MCM3AP: variants seen among roughly 807,000 people sequenced by gnomAD.
MCM3AP encodes minichromosome maintenance complex component 3 associated protein, also known as germinal-center associated nuclear protein.
Under a neutral mutation model 184.1 loss-of-function variants are expected in MCM3AP, and 126 were observed. That is an observed-to-expected ratio of 0.68 (90% CI 0.59 to 0.79). MCM3AP has a LOEUF of 0.79. Among genes scored for constraint, MCM3AP ranks in the 30% least tolerant of loss-of-function variants. MCM3AP has a pLI of 0.00. For missense variants in MCM3AP, 2,496 were observed against 2,479.2 expected, an observed-to-expected ratio of 1.01 and a Z score of -0.14; for synonymous variants, 1,002 against 979.3, an observed-to-expected ratio of 1.02 and a Z score of -0.43.
chr21:46,277,718 C>G lies in MCM3AP; in HGVS notation c.1668-1G>C. On this transcript the variant is annotated splice_acceptor_variant, in intron 4 of 27. Coordinates refer to ENST00000291688, the MANE Select transcript of MCM3AP (RefSeq NM_003906.5). LOFTEE classifies it high-confidence loss of function. ...AAGACTTGGCTTCTTCACTGGAGAG[C>G]TATAAAGTAAACACCACACTGAGGG... 6.4e-7 allele frequency: 1 copy of G among 1,561,678 alleles called. No individual in the cohort carries two copies. Among genetic ancestry groups the G allele is most frequent in the Non-Finnish European group, 8.7e-7 (1 of 1,151,814 alleles).
At chr21:46,262,888 AC>A (rs1174295012) in intron 13 of MCM3AP, among the ~76,000 whole-genome samples, 7 of 140,374 alleles carry the variant, frequency 5.0e-5, no homozygotes, top group Non-Finnish European at 1.1e-4. Flanking sequence ...AATGGCGTGA[AC>A]CCCGGGGGGC....
At chr21:46,248,614 A>AG (rs147757092) in intron 20 of MCM3AP, among the ~76,000 whole-genome samples, 35,752 of 147,254 alleles carry the variant, frequency 0.24, 5,259 homozygotes, top group Admixed American at 0.38. Context: ...AGTAACAGAG[A>AG]GGAAAAAAAA....
intron 9 of MCM3AP, among the ~76,000 whole-genome samples, chr21:46,270,085 A>G (rs1035566151): frequency 6.6e-6 from 1 of 152,206 alleles, no homozygotes; most frequent in East Asian, 1.9e-4. Flanking sequence ...TGTGCATATG[A>G]TATGAGATTT....
chr21:46,244,723 C>A, intron 23 of MCM3AP, 84 bp downstream of exon 23: 1 of 1,454,482 alleles, frequency 6.9e-7, no homozygotes, highest in Non-Finnish European at 9.3e-7. Context: ...GTGCCCAACA[C>A]CTGCCAGACG....
At chr21:46,258,418 A>G (rs2080989324) in intron 16 of MCM3AP, among the ~76,000 whole-genome samples, 1 of 152,222 alleles carries the variant, frequency 6.6e-6, no homozygotes, top group African/African-American at 2.4e-5. Context: ...TCCCATTCCC[A>G]AAAGTAACCA....
At chr21:46,265,807 A>G in intron 11 of MCM3AP, 118 bp downstream of exon 11, 3 of 1,276,806 alleles carry the variant, frequency 2.3e-6, no homozygotes, top group Non-Finnish European at 3.2e-6. Context: ...AAGACAAGAC[A>G]GGTGCTCAGG....
chr21:46,245,414 C>T (rs2080749521), intron 22 of MCM3AP, among the ~76,000 whole-genome samples: 1 of 152,082 alleles, frequency 6.6e-6, no homozygotes, highest in African/African-American at 2.4e-5. Context: ...AAGAGAGCCC[C>T]CAGATCCCAC....
In MCM3AP at chr21:46,284,118, A is replaced by G; in HGVS notation, c.1169T>C (p.Ile390Thr). 6.2e-7 allele frequency: 1 copy of G among 1,614,080 alleles called. No individual in the cohort carries two copies. Among genetic ancestry groups the G allele is most frequent in the Non-Finnish European group, 8.5e-7 (1 of 1,179,974 alleles). Residue 390 changes from isoleucine to threonine, a missense_variant, in exon 1 of 28, where the codon ATT becomes ACT. Coordinates refer to ENST00000291688, the MANE Select transcript of MCM3AP (RefSeq NM_003906.5). Reference sequence around the variant, plus strand: ...TTCTTCCTCTTTATTCACACCTGGAATCCGGGAAGGTGCCAGGACAGACTG... The same window carrying G: ...TTCTTCCTCTTTATTCACACCTGGAGTCCGGGAAGGTGCCAGGACAGACTG... The part of the protein sequence containing the change: ...GNQSVLAPSR[I>T]PGVNKEEETE...
In MCM3AP at chr21:46,261,285, C is replaced by T. The variant is rs1054849770; in HGVS notation, c.3462G>A (p.Glu1154=). ...CATGGACAAGACACACTTACCTTTC[C>T]TCTTCAGCCCGCTGCCTCTCCTGCT... ...RREQERQRAE[E]ERLKQERELV... The change falls in exon 14 of 28, where the codon GAG becomes GAA. Residue 1154 remains glutamate, a synonymous_variant. Coordinates refer to ENST00000291688, the MANE Select transcript of MCM3AP (RefSeq NM_003906.5). 3 of 1,613,912 alleles carry T rather than the reference C, an allele frequency of 1.9e-6. No homozygotes were observed. The highest frequency in any genetic ancestry group is 8.5e-7 in the Non-Finnish European group (1 of 1,180,030).
chr21:46,241,195 A>C lies in MCM3AP; in HGVS notation c.5427-178T>G, dbSNP rs976072029. 5.6e-5 allele frequency: 34 copies of C among 603,514 alleles called. No individual in the cohort carries two copies. In the Admixed American group the frequency reaches 9.7e-4, roughly 17 times the overall value. The allele number at this position is 603,514 out of a possible 1,614,324, so 37.4% of individuals were successfully genotyped here. ...CATGCCTGCTTCCAAGCTTCCATCA[A>C]GTCAGGGAGTGGAGCAAAGAGGGAA... On this transcript the variant is annotated intron_variant, in intron 25 of 27. Coordinates refer to ENST00000291688, the MANE Select transcript of MCM3AP (RefSeq NM_003906.5).
In MCM3AP at chr21:46,280,516, A is replaced by C; in HGVS notation, c.1503T>G (p.Phe501Leu). ...ACTCACTTATTTTCTTCCTGTGCCA[A>C]AAGATAGCCATGTCTTTATGCAAAC... ...GKSLHKDMAI[F>L]WHRKKISPNK... is the part of the protein sequence containing the mutation. The change falls in exon 3 of 28, where the codon TTT becomes TTG. Residue 501 changes from phenylalanine (F) to leucine (L), a missense_variant. Physicochemically the swap from Phe to Leu is conservative, Grantham distance 22 (BLOSUM62 0). Around this residue, in one of 5 missense-constraint regions of MCM3AP, gnomAD observed 800 missense variants for 717.1 expected, o/e 1.12. Coordinates refer to ENST00000291688, the MANE Select transcript of MCM3AP (RefSeq NM_003906.5). 1 of 1,611,250 alleles carries C rather than the reference A, an allele frequency of 6.2e-7. No individual in the cohort carries two copies. The highest frequency in any genetic ancestry group is 8.5e-7 in the Non-Finnish European group (1 of 1,178,272).
At position 46,243,590 on chromosome 21, in the gene MCM3AP, T is replaced by A; in HGVS notation, c.5171A>T (p.Lys1724Met). 6.2e-7 allele frequency: 1 copy of A among 1,614,220 alleles called. No homozygotes were observed. The highest frequency in any genetic ancestry group is 8.5e-7 in the Non-Finnish European group (1 of 1,180,036). ...LHRTYCRWKS[K>M]SPSPVHGAGP... ...TGCCCCATGGACTGGGGAGGGACTCTTGCTCTTCCACCTACAGTAGGTTCT... is the reference window on the plus strand; with the variant it reads ...TGCCCCATGGACTGGGGAGGGACTCATGCTCTTCCACCTACAGTAGGTTCT... The change falls in exon 24 of 28, where the codon AAG becomes ATG. Residue 1724 changes from lysine (K) to methionine (M), a missense_variant. By Grantham distance (95) the Lys-to-Met change is moderately conservative. Around this residue, in one of 5 missense-constraint regions of MCM3AP, gnomAD observed 1,323 missense variants for 1,273.4 expected, o/e 1.04. Coordinates refer to ENST00000291688, the MANE Select transcript of MCM3AP (RefSeq NM_003906.5).
intron 6 of MCM3AP, among the ~76,000 whole-genome samples, chr21:46,273,840 G>A (rs1276939068): frequency 4.6e-5 from 7 of 152,214 alleles, no homozygotes; most frequent in Non-Finnish European, 1.0e-4. Flanking sequence ...AATGTTAAGT[G>A]AAGGCACATC....
intron 9 of MCM3AP, 63 bp from the exon 10 acceptor site, chr21:46,267,205 GC>G: frequency 6.6e-7 from 1 of 1,513,196 alleles, no homozygotes; most frequent in Non-Finnish European, 9.0e-7. Flanking sequence ...CATGCAGTCA[GC>G]CCATGACCAC....
chr21:46,251,540 C>T lies in MCM3AP; in HGVS notation c.4279G>A (p.Val1427Met), dbSNP rs765013692. The T allele has an allele frequency of 8.7e-6, 14 of 1,609,042 alleles. No individual in the cohort carries two copies. Among genetic ancestry groups the T allele is most frequent in the South Asian group, 2.2e-5 (2 of 90,824 alleles). Residue 1427 changes from valine (V) to methionine (M), a missense_variant, in exon 20 of 28, where the codon GTG becomes ATG. By Grantham distance (21) the Val-to-Met change is conservative (BLOSUM62 1). This residue lies in a region of MCM3AP where 1,323 missense variants were observed against 1,273.4 expected (regional missense o/e 1.04). Coordinates refer to ENST00000291688, the MANE Select transcript of MCM3AP (RefSeq NM_003906.5). ...TAATTATAGTTCACCTTTATACACA[C>T]GTTAACAGAAATCATCTGATCCCCT... ...SKGDQMISVN[V>M]CIKVAHGALS...
At chr21:46,267,467 A>C (rs2081127605) in intron 9 of MCM3AP, 3 of 259,734 alleles carry the variant, frequency 1.2e-5, no homozygotes, top group South Asian at 1.3e-4. Flanking sequence ...CACATGACAA[A>C]AGGCCAGGAA....
At chr21:46,240,308 A>C (rs746147749) in intron 26 of MCM3AP, among the ~76,000 whole-genome samples, 9 of 152,152 alleles carry the variant, frequency 5.9e-5, no homozygotes, top group Non-Finnish European at 2.9e-5. Context: ...AACCTGTGGA[A>C]GGTCCCTTAT....
In MCM3AP at chr21:46,277,589, A is replaced by G; in HGVS notation, c.1796T>C (p.Val599Ala). 6.2e-7 allele frequency: 1 copy of G among 1,610,434 alleles called. No individual in the cohort carries two copies. The highest frequency in any genetic ancestry group is 8.5e-7 in the Non-Finnish European group (1 of 1,178,420). Residue 599 changes from valine (V) to alanine (A), a missense_variant, in exon 5 of 28, where the codon GTG becomes GCG. By Grantham distance (64) the Val-to-Ala change is moderately conservative. Around this residue, in one of 5 missense-constraint regions of MCM3AP, gnomAD observed 130 missense variants for 199.8 expected, o/e 0.65. Transcript: ENST00000291688. ...GTACTTCTCCTTGGATGTCTCAGCC[A>G]CAGTGCCTATCAGGGTACTGAGGGA... ...VLSLSTLIGTVAETSKEKYRL... is the reference protein window; with the variant it reads ...VLSLSTLIGTAAETSKEKYRL...
At chr21:46,275,349 A>G in intron 5 of MCM3AP, 24 bp from the exon 6 acceptor site, 2 of 1,606,012 alleles carry the variant, frequency 1.2e-6, no homozygotes, top group East Asian at 2.2e-5. Context: ...AGTAAAAGGT[A>G]AGAATGTACC....
Sources: gnomAD v4.1 joint callset for allele counts (sites outside exome capture counted in the v4.1 genomes callset) on GRCh38, gnomAD v4.1.1 for gene constraint, gnomAD v4.1.1 regional missense constraint, MANE v1.5 for transcripts, NCBI Gene and HGNC (gene_info 2026-07-23, HGNC 2026-07-21) for gene names.